Variants in RNF125 observed in about 807,000 individuals in gnomAD.
The protein encoded by RNF125 is ring finger protein 125, also known as E3 ubiquitin-protein ligase RNF125.
Under a neutral mutation model 26.0 loss-of-function variants are expected in RNF125, and 21 were observed. That is an observed-to-expected ratio of 0.81 (90% CI 0.57 to 1.16). RNF125 has a LOEUF of 1.16. RNF125 is among the 50% of genes most tolerant of loss of function. The probability of loss-of-function intolerance (pLI) is 0.00; values close to 1 mark genes in which losing one functional copy is unlikely to be tolerated. For synonymous variants in RNF125, 95 were observed against 109.2 expected, an observed-to-expected ratio of 0.87 and a Z score of 0.81; for missense variants, 270 against 299.4, an observed-to-expected ratio of 0.90 and a Z score of 0.72.
the RNF125 span, among the ~76,000 whole-genome samples, chr18:32,086,882 C>T: frequency 6.6e-6 from 1 of 152,010 alleles, no homozygotes; most frequent in Non-Finnish European, 1.5e-5. Flanking sequence ...AAATTCCTGA[C>T]CTCAAGCTAT....
intron 4 of RNF125, among the ~76,000 whole-genome samples, chr18:32,056,524 G>A (rs754770218): frequency 3.3e-5 from 5 of 150,520 alleles, no homozygotes; most frequent in Non-Finnish European, 5.9e-5. Flanking sequence ...GCTGAGGCAG[G>A]AGAATCACTT....
rs905910315 is a variant in RNF125 at position 32,070,990 on chromosome 18, C to T, written c.*2606C>T. On this transcript the variant is annotated 3_prime_UTR_variant, in exon 6 of 6. Coordinates refer to ENST00000217740, the MANE Select transcript of RNF125 (RefSeq NM_017831.4). ...AAGTGCTGGGATTACAGGTGTGAGC[C>T]ACTGCGCCCGACATCCCAATTTTTA... 1 of 152,290 alleles carries T rather than the reference C, an allele frequency of 6.6e-6. No individual in the cohort carries two copies. The highest frequency in any genetic ancestry group is 1.5e-5 in the Non-Finnish European group (1 of 68,110). 9.4% of individuals were successfully genotyped at this position (152,290 alleles called of 1,614,324 possible).
intron 2 of RNF125, among the ~76,000 whole-genome samples, chr18:32,039,829 G>A (rs2039198228): frequency 6.8e-6 from 1 of 147,170 alleles, no homozygotes; most frequent in Non-Finnish European, 1.5e-5. Flanking sequence ...CCAGGATGGA[G>A]TGCAGTGGTG....
chr18:32,048,326 T>TGA (rs1450243888), intron 4 of RNF125, among the ~76,000 whole-genome samples: 4 of 151,120 alleles, frequency 2.6e-5, no homozygotes, highest in Admixed American at 6.6e-5. Flanking sequence ...CTCGGGAGGC[T>TGA]GAGGCAGGAG....
Position 32,054,550 on chromosome 18 carries a change from A to G in RNF125, c.504+8818A>G, listed in dbSNP as rs577060125. 5.9e-5 allele frequency among the ~76,000 whole-genome samples: 9 copies of G among 152,326 alleles called. No homozygotes were observed. The South Asian group carries it at 1.7e-3, about 28-fold the overall frequency. Reference sequence around the variant, plus strand: ...AGTGGTGAGAACTCCTCTGGGGAGAAAATATGGTTTTATCAGAATTTAGGG... The same window carrying G: ...AGTGGTGAGAACTCCTCTGGGGAGAGAATATGGTTTTATCAGAATTTAGGG... On this transcript the variant is annotated intron_variant, in intron 4 of 5. Transcript: ENST00000217740.
chr18:32,085,417 A>AGAGAGAGAGAGAGAG, the RNF125 span, among the ~76,000 whole-genome samples: 19 of 101,628 alleles, frequency 1.9e-4, no homozygotes, highest in African/African-American at 5.8e-4. Flanking sequence ...GAGAGAGAGA[A>AGAGAGAGAGAGAGAG]AGCTGGGTGA....
In RNF125 at chr18:32,023,663, T is replaced by A. The variant is rs1042310702; in HGVS notation, c.164+4636T>A. ...GTCTCCAATTATGTCCTGTTCAGAC[T>A]GTTACTGAACTTATGCATGTAACTA... On this transcript the variant is annotated intron_variant, in intron 1 of 5. Transcript: ENST00000217740. Among the ~76,000 whole-genome samples the A allele has an allele frequency of 2.0e-5, 3 of 152,234 alleles. No homozygotes were observed. The South Asian group carries it at 6.2e-4, about 31-fold the overall frequency.
At chr18:32,056,642 A>G (rs2039387056) in intron 4 of RNF125, among the ~76,000 whole-genome samples, 1 of 145,644 alleles carries the variant, frequency 6.9e-6, no homozygotes, top group South Asian at 2.2e-4. Flanking sequence ...AAAAAAAAAG[A>G]CAATTATAGA....
intron 1 of RNF125, among the ~76,000 whole-genome samples, chr18:32,033,789 A>C (rs2039123669): frequency 6.6e-6 from 1 of 152,082 alleles, no homozygotes; most frequent in South Asian, 2.1e-4. Context: ...ATTGCACTCC[A>C]GCCTGGGCAA....
chr18:32,035,601 A>G (rs886452285), intron 1 of RNF125, among the ~76,000 whole-genome samples: 31 of 151,440 alleles, frequency 2.0e-4, no homozygotes, highest in Admixed American at 1.2e-3. Flanking sequence ...AACTATATAC[A>G]ACAATATAAT....
chr18:32,051,694 CTTT>C (rs71177837), intron 4 of RNF125, among the ~76,000 whole-genome samples: 1 of 118,020 alleles, frequency 8.5e-6, no homozygotes, highest in Non-Finnish European at 1.6e-5. Flanking sequence ...TATTTTCTTT[CTTT>C]TTTTTTTTTT....
downstream of RNF125, among the ~76,000 whole-genome samples, chr18:32,077,563 G>C (rs1446317504): frequency 6.6e-6 from 1 of 151,684 alleles, no homozygotes; most frequent in Non-Finnish European, 1.5e-5. Context: ...GTTTCACCTT[G>C]TTGGCCAGGC....
intron 1 of RNF125, among the ~76,000 whole-genome samples, chr18:32,030,208 T>C (rs547104202): frequency 7.2e-5 from 11 of 152,074 alleles, no homozygotes; most frequent in African/African-American, 2.4e-4. Flanking sequence ...CACGCCCAAC[T>C]AATTTTGTAT....
chr18:32,048,444 ACCC>A (rs2039293985), intron 4 of RNF125, among the ~76,000 whole-genome samples: 5 of 145,544 alleles, frequency 3.4e-5, no homozygotes, highest in Admixed American at 6.7e-5. Context: ...AAACAAAAAA[ACCC>A]AAAAAAACCT....
At chr18:32,038,380 C>T (rs1241022140) in intron 2 of RNF125, among the ~76,000 whole-genome samples, 1 of 152,120 alleles carries the variant, frequency 6.6e-6, no homozygotes, top group Non-Finnish European at 1.5e-5. Flanking sequence ...ATATCATCTG[C>T]AGAAAACCCT....
chr18:32,060,994 AAAAAC>A (rs1491243045), intron 4 of RNF125, among the ~76,000 whole-genome samples: 1 of 152,214 alleles, frequency 6.6e-6, no homozygotes, highest in African/African-American at 2.4e-5. Context: ...ATCCCGTTTC[AAAAAC>A]AAAACAAAAC....
In RNF125 at chr18:32,018,903, C is replaced by T. The variant is rs757185603; in HGVS notation, c.40C>T (p.Pro14Ser). 2 of 1,603,410 alleles carry T rather than the reference C, an allele frequency of 1.2e-6. No homozygotes were observed. Among genetic ancestry groups the T allele is most frequent in the African/African-American group, 1.3e-5 (1 of 74,658 alleles). ...VLSTDSGKSA[P>S]ASATARALER... ...GAGCACCGACAGCGGCAAATCGGCG[C>T]CCGCCTCTGCCACCGCGCGGGCCCT... Residue 14 changes from proline to serine, a missense_variant, in exon 1 of 6, where the codon CCC becomes TCC. By Grantham distance (74) the Pro-to-Ser change is moderately conservative. Coordinates refer to ENST00000217740, the MANE Select transcript of RNF125 (RefSeq NM_017831.4).
chr18:32,061,735 A>G (rs2039436739), intron 4 of RNF125, among the ~76,000 whole-genome samples: 1 of 152,204 alleles, frequency 6.6e-6, no homozygotes, highest in African/African-American at 2.4e-5. Flanking sequence ...AATTCCCTTT[A>G]CAGATCTTGA....
Position 32,072,924 on chromosome 18 carries a change from G to A in RNF125, c.*4540G>A, listed in dbSNP as rs895631037. 6.6e-6 allele frequency: 1 copy of A among 152,176 alleles called. No homozygotes were observed. The highest frequency in any genetic ancestry group is 1.5e-5 in the Non-Finnish European group (1 of 68,034). The allele number at this position is 152,176 out of a possible 1,614,324, so 9.4% of individuals were successfully genotyped here. On this transcript the variant is annotated 3_prime_UTR_variant, in exon 6 of 6. Transcript: ENST00000217740. ...AGACCTCCTTACTGTCTTCAGTGAT[G>A]TTTAATTTCATTACTGTTACTGGGT...
Sources: gnomAD v4.1 joint callset for allele counts (sites outside exome capture counted in the v4.1 genomes callset) on GRCh38, gnomAD v4.1.1 for gene constraint, MANE v1.5 for transcripts, NCBI Gene and HGNC (gene_info 2026-07-23, HGNC 2026-07-21) for gene names.